The following MYEF2 variants were observed in gnomAD, a reference collection of about 807,000 sequenced individuals.
MYEF2 encodes the protein myelin gene expression factor 2.
A neutral mutation model predicts 75.2 loss-of-function variants in MYEF2; 37 were observed. The observed-to-expected ratio is 0.49, with a 90% CI of 0.38 to 0.65. The LOEUF (loss-of-function observed/expected upper bound fraction) is 0.65. Among genes scored for constraint, MYEF2 ranks in the 30% least tolerant of loss-of-function variants. The pLI is 0.00. For missense variants in MYEF2, 634 were observed against 771.4 expected, an observed-to-expected ratio of 0.82 and a Z score of 2.11; for synonymous variants, 195 against 241.6, an observed-to-expected ratio of 0.81 and a Z score of 1.79.
chr15:48,140,175 T>C lies in MYEF2; in HGVS notation c.*2733A>G, dbSNP rs999393908. 1 of 151,878 alleles carries C rather than the reference T, an allele frequency of 6.6e-6. No homozygotes were observed. The allele number at this position is 151,878 out of a possible 1,614,324, so 9.4% of individuals were successfully genotyped here. A position where few individuals can be genotyped will look rare whatever the true frequency, so the allele number is the denominator to read the frequency against. On this transcript the variant is annotated 3_prime_UTR_variant, in exon 17 of 17. Coordinates refer to ENST00000324324, the MANE Select transcript of MYEF2 (RefSeq NM_016132.5). Reference sequence around the variant, plus strand: ...CACTCAGCCAGAACACATTTGATACTAGAAAAATAAAAAGAGAGCAAAAAT... The same window carrying C: ...CACTCAGCCAGAACACATTTGATACCAGAAAAATAAAAAGAGAGCAAAAAT...
chr15:48,145,689 G>T (rs1239681639), intron 16 of MYEF2, among the ~76,000 whole-genome samples: 1 of 151,814 alleles, frequency 6.6e-6, no homozygotes, highest in East Asian at 1.9e-4. Context: ...CAAATTAAAG[G>T]ATGTTCAATA....
intron 5 of MYEF2, among the ~76,000 whole-genome samples, chr15:48,162,067 T>C (rs2039960955): frequency 6.6e-6 from 1 of 151,598 alleles, no homozygotes; most frequent in Admixed American, 6.6e-5. Context: ...TACATTCCTG[T>C]TAATAACTTT....
chr15:48,151,684 T>C (rs2039497042), intron 12 of MYEF2, 113 bp from the exon 13 acceptor site: 1 of 1,236,334 alleles, frequency 8.1e-7, no homozygotes, highest in African/African-American at 1.5e-5. Context: ...TATAAAATAG[T>C]CTGTCATTTA....
At chr15:48,166,920 GT>G (rs1173099808) in intron 3 of MYEF2, among the ~76,000 whole-genome samples, 2 of 151,978 alleles carry the variant, frequency 1.3e-5, no homozygotes, top group Non-Finnish European at 2.9e-5. Context: ...TGCCTCTCAT[GT>G]AGTCCTGCAG....
chr15:48,158,645 A>G (rs1794458875), intron 7 of MYEF2, 124 bp downstream of exon 7: 1 of 1,137,742 alleles, frequency 8.8e-7, no homozygotes, highest in Admixed American at 2.2e-5. Context: ...TATTTGCTGG[A>G]GACTAAAGTC....
chr15:48,162,519 C>A (rs1336901121), intron 5 of MYEF2, among the ~76,000 whole-genome samples: 2 of 152,126 alleles, frequency 1.3e-5, no homozygotes, highest in African/African-American at 4.8e-5. Flanking sequence ...CTCATTTAAT[C>A]CTCATAAAAA....
chr15:48,158,144 T>C (rs368807702), intron 8 of MYEF2, 31 bp downstream of exon 8: 1 of 1,612,040 alleles, frequency 6.2e-7, no homozygotes. Context: ...TCTGAAGAGG[T>C]TGGAGGTTGA....
At chr15:48,156,384 T>C (rs1597319476) in intron 9 of MYEF2, among the ~76,000 whole-genome samples, 1 of 151,976 alleles carries the variant, frequency 6.6e-6, no homozygotes, top group East Asian at 1.9e-4. Context: ...AAAAATTGCA[T>C]TCAGAATTTT....
Position 48,178,072 on chromosome 15 carries a change from A to G in MYEF2, c.161+5T>C. ...CGCCCCGGTTCCCGGAGGAAAAGAC[A>G]ATACATTTTAACGCCATTGGAGCTG... On this transcript the variant is annotated splice_donor_5th_base_variant and intron_variant, in intron 1 of 16. Transcript: ENST00000324324. 1.3e-6 allele frequency: 2 copies of G among 1,596,934 alleles called. No individual in the cohort carries two copies. Among genetic ancestry groups the G allele is most frequent in the Non-Finnish European group, 1.7e-6 (2 of 1,172,070 alleles).
chr15:48,139,163 G>A lies in MYEF2; in HGVS notation c.*3745C>T. On this transcript the variant is annotated 3_prime_UTR_variant, in exon 17 of 17. Coordinates refer to ENST00000324324, the MANE Select transcript of MYEF2 (RefSeq NM_016132.5). ...ATTTACATATATCCTGGTTTGGATG[G>A]TCACAATAACTGGTATGTATTTTAA... The A allele has an allele frequency of 6.2e-7, 1 of 1,610,776 alleles. No homozygotes were observed. The highest frequency in any genetic ancestry group is 8.5e-7 in the Non-Finnish European group (1 of 1,177,896).
intron 5 of MYEF2, among the ~76,000 whole-genome samples, chr15:48,164,864 A>G (rs2040079026): frequency 6.6e-6 from 1 of 152,240 alleles, no homozygotes; most frequent in Non-Finnish European, 1.5e-5. Context: ...GCTATTGCAC[A>G]CTTTAAACAG....
chr15:48,177,198 C>T (rs968845347), intron 1 of MYEF2, among the ~76,000 whole-genome samples: 1 of 152,160 alleles, frequency 6.6e-6, no homozygotes, highest in Non-Finnish European at 1.5e-5. Context: ...AAGCGCTTAA[C>T]TTCATATCCT....
chr15:48,149,604 G>A lies in MYEF2; in HGVS notation c.1379-233C>T. The A allele has an allele frequency of 3.1e-6, 1 of 322,596 alleles. No individual in the cohort carries two copies. Among genetic ancestry groups the A allele is most frequent in the South Asian group, 7.3e-5 (1 of 13,642 alleles). The allele number at this position is 322,596 out of a possible 1,614,324, so 20.0% of individuals were successfully genotyped here. A position where few individuals can be genotyped will look rare whatever the true frequency, so the allele number is the denominator to read the frequency against. On this transcript the variant is annotated intron_variant, in intron 14 of 16. Transcript: ENST00000324324. This position sits in a 1 kb window ranked among gnomAD's most constrained non-coding sequence, Gnocchi z 4.0. ...CTTACATATACATTTAGTTAGCTGA[G>A]AAATTCTAGCCACTGTATAAATACA...
Position 48,135,063 on chromosome 15 carries a change from T to C in MYEF2, c.*7845A>G. 2.6e-6 allele frequency: 3 copies of C among 1,150,184 alleles called. No homozygotes were observed. The highest frequency in any genetic ancestry group is 3.8e-6 in the Non-Finnish European group (3 of 781,262). 71.2% of individuals were successfully genotyped at this position (1,150,184 alleles called of 1,614,324 possible). A position where few individuals can be genotyped will look rare whatever the true frequency, so the allele number is the denominator to read the frequency against. ...TGGTTCAGTAATTTTTTTTCAGAAA[T>C]GTTATTTCAGTCACTTAATCTGCCA... On this transcript the variant is annotated 3_prime_UTR_variant, in exon 17 of 17. Coordinates refer to ENST00000324324, the MANE Select transcript of MYEF2 (RefSeq NM_016132.5).
chr15:48,169,202 G>A (rs2040237409), intron 1 of MYEF2, among the ~76,000 whole-genome samples: 1 of 152,130 alleles, frequency 6.6e-6, no homozygotes, highest in Admixed American at 6.5e-5. Context: ...CACCTTTGAT[G>A]GAGAATTAAC....
At chr15:48,175,490 C>A (rs1023034684) in intron 1 of MYEF2, among the ~76,000 whole-genome samples, 3 of 152,042 alleles carry the variant, frequency 2.0e-5, no homozygotes, top group Non-Finnish European at 4.4e-5. Flanking sequence ...GGTAGCTATG[C>A]GAGGTAACAG....
At chr15:48,171,113 AAAAGGCAC>A (rs2040324317) in intron 1 of MYEF2, among the ~76,000 whole-genome samples, 1 of 152,238 alleles carries the variant, frequency 6.6e-6, no homozygotes, top group Non-Finnish European at 1.5e-5. Context: ...GCAAGCAGCC[AAAAGGCAC>A]AAAGGCCTTT....
Position 48,134,670 on chromosome 15 carries a change from A to G in MYEF2, c.*8238T>C, listed in dbSNP as rs1333561693. 2 of 738,790 alleles carry G rather than the reference A, an allele frequency of 2.7e-6. No individual in the cohort carries two copies. Among genetic ancestry groups the G allele is most frequent in the Non-Finnish European group, 4.4e-6 (2 of 452,230 alleles). 45.8% of individuals were successfully genotyped at this position (738,790 alleles called of 1,614,324 possible). On this transcript the variant is annotated 3_prime_UTR_variant, in exon 17 of 17. Coordinates refer to ENST00000324324, the MANE Select transcript of MYEF2 (RefSeq NM_016132.5). Reference sequence around the variant, plus strand: ...ATTTATTAATCAGTAGAAAAACAACATGTATTCAATTTAATGTTAATCCAC... The same window carrying G: ...ATTTATTAATCAGTAGAAAAACAACGTGTATTCAATTTAATGTTAATCCAC...
At position 48,141,965 on chromosome 15, in the gene MYEF2, T is replaced by C; in HGVS notation, c.*943A>G. 2.5e-6 allele frequency: 3 copies of C among 1,203,886 alleles called. No individual in the cohort carries two copies. Among genetic ancestry groups the C allele is most frequent in the South Asian group, 4.2e-5 (2 of 47,604 alleles). The allele number at this position is 1,203,886 out of a possible 1,614,324, so 74.6% of individuals were successfully genotyped here. A position where few individuals can be genotyped will look rare whatever the true frequency, so the allele number is the denominator to read the frequency against. On this transcript the variant is annotated 3_prime_UTR_variant, in exon 17 of 17. Transcript: ENST00000324324. ...AAAGTATCCAGTGTTTCTTTTCTTA[T>C]GAAGATTATTAATAAAACACAGTAT...
Sources: allele counts gnomAD v4.1 joint callset (sites outside exome capture counted in the v4.1 genomes callset), GRCh38; gene constraint gnomAD v4.1.1; non-coding constraint Gnocchi (gnomAD v3.1); transcripts MANE v1.5; gene names NCBI Gene and HGNC (gene_info 2026-07-23, HGNC 2026-07-21).